Variants in ZNF492 observed in about 807,000 individuals in gnomAD.
ZNF492 encodes the protein zinc finger protein 492.
ZNF492 carries 3 observed loss-of-function variants against 6.4 expected under a neutral mutation model. The ratio of observed to expected loss-of-function variants is 0.47; its 90% CI spans 0.21 to 1.22. ZNF492 has a LOEUF of 1.22. Ranked by LOEUF, ZNF492 falls within the 50% of genes most tolerant of loss-of-function variation. The pLI is 0.22. For synonymous variants in ZNF492, 112 were observed against 205.3 expected (o/e 0.55, Z 3.89); for missense variants, 356 against 612.5 (o/e 0.58, Z 4.42).
chr19:22,660,014 T>C (rs1972041961), intron 3 of ZNF492, among the ~76,000 whole-genome samples: 1 of 152,166 alleles, frequency 6.6e-6, no homozygotes, highest in South Asian at 2.1e-4. Context: ...GAGTTTTAAC[T>C]TCAAGTACAT....
At chr19:22,645,965 T>C (rs1167684763) in intron 1 of ZNF492, among the ~76,000 whole-genome samples, 1 of 152,090 alleles carries the variant, frequency 6.6e-6, no homozygotes. Context: ...GATGCCTCTA[T>C]CTTTGTTCTT....
At chr19:22,648,064 C>T (rs1387342685) in intron 1 of ZNF492, among the ~76,000 whole-genome samples, 2 of 152,018 alleles carry the variant, frequency 1.3e-5, no homozygotes, top group Admixed American at 6.6e-5. Context: ...GTTAGGGTGT[C>T]GATTTGAGAT....
At chr19:22,642,129 T>C (rs1971832177) in intron 1 of ZNF492, among the ~76,000 whole-genome samples, 1 of 152,154 alleles carries the variant, frequency 6.6e-6, no homozygotes, top group Non-Finnish European at 1.5e-5. Flanking sequence ...CTTTCTCTCT[T>C]CTGCTTTTTT....
chr19:22,661,218 T>TA (rs71180580), intron 3 of ZNF492, among the ~76,000 whole-genome samples: 2 of 151,930 alleles, frequency 1.3e-5, no homozygotes, highest in African/African-American at 4.8e-5. Context: ...TTGTTTTTTT[T>TA]AATATTTTGA....
rs1972123534 is a variant in ZNF492 at position 22,666,127 on chromosome 19, ATGT to A, written c.*866_*868del. The A allele has an allele frequency of 1.3e-5, 2 of 151,832 alleles. No homozygotes were observed. The highest frequency in any genetic ancestry group is 2.4e-5 in the African/African-American group (1 of 41,358). The allele number at this position is 151,832 out of a possible 1,614,324, so 9.4% of individuals were successfully genotyped here. On this transcript the variant is annotated 3_prime_UTR_variant, in exon 4 of 4. Transcript: ENST00000456783. Reference sequence around the variant, plus strand: ...AATTAACTCAAATTACTTCGTGTTAATGTTGTAATTAACTCTCAAATTACTTCA... The same window carrying A: ...AATTAACTCAAATTACTTCGTGTTAATGTAATTAACTCTCAAATTACTTCA...
At chr19:22,653,759 C>T (rs1023845199) in intron 2 of ZNF492, among the ~76,000 whole-genome samples, 161 bp from the exon 3 acceptor site, 10 of 152,002 alleles carry the variant, frequency 6.6e-5, no homozygotes, top group Admixed American at 1.3e-4. Context: ...TAAGAACTTA[C>T]AAAATTAAAA....
chr19:22,664,948 G>A lies in ZNF492; in HGVS notation c.1279G>A (p.Gly427Ser). ...GAAACCCTACAAATGTGAAGAATGT[G>A]GCAAAGCTTTTAACCAGTCCTCAAC... is the stretch of plus-strand genomic sequence containing the variant. ...GEKPYKCEEC[G>S]KAFNQSSTLS... Residue 427 changes from glycine to serine, a missense_variant, in exon 4 of 4, where the codon GGC (glycine) becomes AGC (serine). Gly to Ser is a moderately conservative substitution (Grantham distance 56). This residue lies in a region of ZNF492 where 21 missense variants were observed against 55.3 expected (regional missense o/e 0.38). Coordinates refer to ENST00000456783, the MANE Select transcript of ZNF492 (RefSeq NM_020855.3). 1 of 1,609,382 alleles carries A rather than the reference G, an allele frequency of 6.2e-7. No homozygotes were observed. Among genetic ancestry groups the A allele is most frequent in the Non-Finnish European group, 8.5e-7 (1 of 1,177,958 alleles).
At chr19:22,636,777 G>GCT (rs1971770543) in intron 1 of ZNF492, among the ~76,000 whole-genome samples, 1 of 150,514 alleles carries the variant, frequency 6.6e-6, no homozygotes, top group Non-Finnish European at 1.5e-5. Context: ...GGGATTACAG[G>GCT]CATGCGCCAC....
intron 1 of ZNF492, among the ~76,000 whole-genome samples, chr19:22,643,755 G>A (rs1971851309): frequency 6.6e-6 from 1 of 152,192 alleles, no homozygotes; most frequent in Admixed American, 6.5e-5. Flanking sequence ...CTGGGTGGAA[G>A]CATTCATGTT....
In ZNF492 at chr19:22,642,384, C is replaced by CTTTTTTTTTTT. The variant is rs869202400; in HGVS notation, c.-94+7923_-94+7933dup. Among the ~76,000 whole-genome samples, 82 of 85,480 alleles carry CTTTTTTTTTTT rather than the reference C, an allele frequency of 9.6e-4. 2 individuals are homozygous for CTTTTTTTTTTT. Among genetic ancestry groups the CTTTTTTTTTTT allele is most frequent in the Non-Finnish European group, 1.2e-3 (58 of 48,180 alleles). The allele number at this position is 85,480 out of a possible 152,430, so 56.1% of individuals were successfully genotyped here. A position where few individuals can be genotyped will look rare whatever the true frequency, so the allele number is the denominator to read the frequency against. ...ATTAACAGCTAAATAAACCTTTTGT[C>CTTTTTTTTTTT]TTTTTTTTTTTTTTTTTTTTTTTGA... On this transcript the variant is annotated intron_variant, in intron 1 of 3. Transcript: ENST00000456783.
At chr19:22,636,128 T>G (rs1306274552) in intron 1 of ZNF492, among the ~76,000 whole-genome samples, 1 of 152,154 alleles carries the variant, frequency 6.6e-6, no homozygotes, top group Admixed American at 6.5e-5. Context: ...AGATGGAGTT[T>G]CGCTCTTGTT....
chr19:22,665,029 T>A lies in ZNF492; in HGVS notation c.1360T>A (p.Cys454Ser). The A allele has an allele frequency of 6.3e-7, 1 of 1,585,588 alleles. No individual in the cohort carries two copies. The highest frequency in any genetic ancestry group is 8.6e-7 in the Non-Finnish European group (1 of 1,166,252). ...TGEKPYKYEECGKAFNQSSHL... is the reference protein window; with the variant it reads ...TGEKPYKYEESGKAFNQSSHL... Reference sequence around the variant, plus strand: ...AGAGAAGCCCTACAAATATGAAGAATGTGGCAAAGCTTTTAACCAGTCCTC... The same window carrying A: ...AGAGAAGCCCTACAAATATGAAGAAAGTGGCAAAGCTTTTAACCAGTCCTC... The change falls in exon 4 of 4, where the codon TGT becomes AGT. Residue 454 changes from cysteine (C) to serine (S), a missense_variant. By Grantham distance (112) the Cys-to-Ser change is moderately radical. Coordinates refer to ENST00000456783, the MANE Select transcript of ZNF492 (RefSeq NM_020855.3).
intron 1 of ZNF492, among the ~76,000 whole-genome samples, chr19:22,648,803 T>C (rs1971910438): frequency 6.6e-6 from 1 of 152,200 alleles, no homozygotes; most frequent in Non-Finnish European, 1.5e-5. Flanking sequence ...GCTTGGTAAA[T>C]TTTGCTTCAT....
intron 1 of ZNF492, among the ~76,000 whole-genome samples, chr19:22,649,164 T>A (rs562779465): frequency 1.3e-5 from 2 of 152,242 alleles, no homozygotes; most frequent in Admixed American, 1.3e-4. Flanking sequence ...CTGGAAAGGA[T>A]TTTATTTCTT....
At chr19:22,655,277 A>G (rs921527447) in intron 3 of ZNF492, among the ~76,000 whole-genome samples, 15 of 151,142 alleles carry the variant, frequency 9.9e-5, no homozygotes, top group Middle Eastern at 3.4e-3. Context: ...GTGGGCAACA[A>G]GAGTGAAACT....
In ZNF492 at chr19:22,665,551, A is replaced by G; in HGVS notation, c.*286A>G. The G allele has an allele frequency of 2.3e-6, 1 of 431,710 alleles. No homozygotes were observed. 26.7% of individuals were successfully genotyped at this position (431,710 alleles called of 1,614,324 possible). On this transcript the variant is annotated 3_prime_UTR_variant, in exon 4 of 4. Transcript: ENST00000456783. The stretch of plus-strand genomic sequence containing the variant: ...TGTCAAAAGAGTTCAAAAAATAAGC[A>G]TTTAAAGTGCTGAAGAGGATTTATT...
chr19:22,640,389 T>C (rs1193102805), intron 1 of ZNF492, among the ~76,000 whole-genome samples: 1 of 152,228 alleles, frequency 6.6e-6, no homozygotes. Context: ...CTCGAACTCC[T>C]GACCTTGGGT....
At chr19:22,645,974 T>C (rs1390714149) in intron 1 of ZNF492, among the ~76,000 whole-genome samples, 1 of 152,212 alleles carries the variant, frequency 6.6e-6, no homozygotes, top group Non-Finnish European at 1.5e-5. Flanking sequence ...ATCTTTGTTC[T>C]TTTTGCTTAG....
chr19:22,656,766 G>A (rs2145257485), intron 3 of ZNF492, among the ~76,000 whole-genome samples: 1 of 152,190 alleles, frequency 6.6e-6, no homozygotes, highest in African/African-American at 2.4e-5. Context: ...CCACCTGAAT[G>A]AAAGCCTGCC....
Sources: gnomAD v4.1 joint callset for allele counts (sites outside exome capture counted in the v4.1 genomes callset) on GRCh38, gnomAD v4.1.1 for gene constraint, gnomAD v4.1.1 regional missense constraint, MANE v1.5 for transcripts, NCBI Gene and HGNC (gene_info 2026-07-23, HGNC 2026-07-21) for gene names.